The following PDGFRA variants were observed in gnomAD, a reference collection of about 807,000 sequenced individuals.
PDGFRA encodes the protein platelet derived growth factor receptor alpha.
Under a neutral mutation model 121.5 loss-of-function variants are expected in PDGFRA, and 25 were observed. The observed-to-expected ratio is 0.21, with a 90% CI of 0.15 to 0.29. PDGFRA has a LOEUF of 0.29. Ranked by LOEUF, PDGFRA falls within the 10% of genes least tolerant of loss-of-function variation. The probability of loss-of-function intolerance (pLI) is 1.00; values close to 1 mark genes in which losing one functional copy is unlikely to be tolerated. For missense variants in PDGFRA, 1,008 were observed against 1,345.1 expected (o/e 0.75, Z 3.92); for synonymous variants, 463 against 494.8 (o/e 0.94, Z 0.85).
chr4:54,286,178 C>T (rs576269529), intron 18 of PDGFRA, among the ~76,000 whole-genome samples: 2 of 152,232 alleles, frequency 1.3e-5, no homozygotes, highest in South Asian at 2.1e-4. Context: ...GACTGTTCTG[C>T]CCCTCTGTCT....
chr4:54,273,487 GCCATGACTCTCAGGAATTGGC>G (rs2110290972), intron 9 of PDGFRA, 29 bp from the exon 10 acceptor site: 2 of 1,483,798 alleles, frequency 1.3e-6, no homozygotes, highest in East Asian at 4.5e-5. Context: ...TCCACTCATT[GCCATGACTCTCAGGAATTGGC>G]CCTATACTTA....
chr4:54,265,757 G>A (rs1722996940), intron 5 of PDGFRA, among the ~76,000 whole-genome samples: 1 of 152,194 alleles, frequency 6.6e-6, no homozygotes, highest in African/African-American at 2.4e-5. Flanking sequence ...GTCACTAAGT[G>A]TGTAAGACAG....
At chr4:54,271,704 C>T (rs1027804690) in intron 8 of PDGFRA, among the ~76,000 whole-genome samples, 1 of 146,264 alleles carries the variant, frequency 6.8e-6, no homozygotes, top group African/African-American at 2.6e-5. Context: ...CTCTCTTTTC[C>T]TTTCCTTTCT....
intron 22 of PDGFRA, among the ~76,000 whole-genome samples, chr4:54,294,227 C>T (rs1168178186): frequency 2.0e-5 from 3 of 151,828 alleles, no homozygotes; most frequent in South Asian, 2.1e-4. Flanking sequence ...TGGGGGTCTG[C>T]GATGGAACTT....
intron 12 of PDGFRA, among the ~76,000 whole-genome samples, chr4:54,275,399 A>G (rs913906575): frequency 6.6e-6 from 1 of 152,254 alleles, no homozygotes; most frequent in Non-Finnish European, 1.5e-5. Flanking sequence ...TATTTGGAAT[A>G]TGGAATATAA....
chr4:54,256,275 G>A (rs563904511), intron 1 of PDGFRA, among the ~76,000 whole-genome samples: 113 of 151,874 alleles, frequency 7.4e-4, no homozygotes, highest in African/African-American at 2.3e-3. Context: ...TTGCTCTGCC[G>A]CCCAGGCTGG....
chr4:54,287,789 A>G (rs1211039568), intron 19 of PDGFRA, among the ~76,000 whole-genome samples: 1 of 152,140 alleles, frequency 6.6e-6, no homozygotes, highest in Non-Finnish European at 1.5e-5. Flanking sequence ...CCTTTGGGCT[A>G]TGCCAGAGTG....
chr4:54,281,952 A>G (rs1724102244), intron 16 of PDGFRA: 1 of 1,100,234 alleles, frequency 9.1e-7, no homozygotes, highest in Non-Finnish European at 1.1e-6. Flanking sequence ...GGCTTTAAAA[A>G]GAAAATAAAG....
chr4:54,235,892 G>A (rs1405125696), intron 1 of PDGFRA, among the ~76,000 whole-genome samples: 1 of 152,278 alleles, frequency 6.6e-6, no homozygotes, highest in Non-Finnish European at 1.5e-5. Context: ...CTTCCTAGAA[G>A]AAAAGACTGA....
chr4:54,257,101 C>G (rs1028759116), intron 1 of PDGFRA, among the ~76,000 whole-genome samples: 8 of 152,180 alleles, frequency 5.3e-5, no homozygotes, highest in African/African-American at 1.9e-4. Context: ...AAAACCAAGA[C>G]GGTGATGAAA....
chr4:54,281,678 G>C (rs144002896), intron 16 of PDGFRA: 1 of 1,361,634 alleles, frequency 7.3e-7, no homozygotes, highest in Non-Finnish European at 9.7e-7. Flanking sequence ...CTGGCCTTCC[G>C]TGACTATCTG....
chr4:54,281,415 C>T (rs1469696530), intron 16 of PDGFRA, among the ~76,000 whole-genome samples: 1 of 152,236 alleles, frequency 6.6e-6, no homozygotes, highest in Non-Finnish European at 1.5e-5. Flanking sequence ...TTGCAAAGCT[C>T]AGTACACAAT....
intron 1 of PDGFRA, among the ~76,000 whole-genome samples, chr4:54,249,827 G>T (rs186192482): frequency 6.6e-6 from 1 of 151,724 alleles, no homozygotes; most frequent in Non-Finnish European, 1.5e-5. Flanking sequence ...AAGTTAAAGG[G>T]ATATTATTAT....
intron 1 of PDGFRA, among the ~76,000 whole-genome samples, chr4:54,246,292 C>T (rs1162356720): frequency 3.3e-5 from 5 of 152,052 alleles, no homozygotes; most frequent in African/African-American, 7.2e-5. Context: ...CCACACCTAT[C>T]CCAAAATTGA....
intron 7 of PDGFRA, among the ~76,000 whole-genome samples, chr4:54,269,334 AATT>A (rs961742990): frequency 1.6e-4 from 25 of 152,112 alleles, no homozygotes; most frequent in Non-Finnish European, 3.4e-4. Context: ...CTATGTGTAC[AATT>A]ATCACGTTTT....
rs1201918901 is a variant in PDGFRA at position 54,263,598 on chromosome 4, T to G, written c.368-69T>G. On this transcript the variant is annotated intron_variant, in intron 3 of 22. Transcript: ENST00000257290. ...AATATCAATAATGCCAGTGGGATAG[T>G]TTTTCTGGATTTATGTGTAAAGGTG... The G allele has an allele frequency of 1.5e-5, 22 of 1,477,588 alleles. No individual in the cohort carries two copies. In the Admixed American group the frequency reaches 3.5e-4, roughly 24 times the overall value. The allele number at this position is 1,477,588 out of a possible 1,614,324, so 91.5% of individuals were successfully genotyped here.
At position 54,248,413 on chromosome 4, in the gene PDGFRA, A is replaced by T. The variant is rs560156009; in HGVS notation, c.-12-10344A>T. On this transcript the variant is annotated intron_variant, in intron 1 of 22. Transcript: ENST00000257290. ...ACAGAACCCTCAGAAATAACGCCGCATATCTACAACTATCTGATCTTTGAC... is the reference window on the plus strand; with the variant it reads ...ACAGAACCCTCAGAAATAACGCCGCTTATCTACAACTATCTGATCTTTGAC... 2.0e-5 allele frequency among the ~76,000 whole-genome samples: 3 copies of T among 152,360 alleles called. No homozygotes were observed. The South Asian group carries it at 6.2e-4, about 32-fold the overall frequency.
At chr4:54,280,003 T>G (rs992123814) in intron 15 of PDGFRA, among the ~76,000 whole-genome samples, 2 of 152,154 alleles carry the variant, frequency 1.3e-5, no homozygotes, top group Admixed American at 1.3e-4. Flanking sequence ...TGGGGTTGGT[T>G]CCACATTTTT....
intron 1 of PDGFRA, among the ~76,000 whole-genome samples, chr4:54,236,920 CAT>C (rs571092824): frequency 5.9e-5 from 9 of 152,296 alleles, no homozygotes; most frequent in African/African-American, 1.9e-4. Context: ...GCAACAAACA[CAT>C]GTTTATTCTC....
Sources: gnomAD v4.1 joint callset for allele counts (sites outside exome capture counted in the v4.1 genomes callset) on GRCh38, gnomAD v4.1.1 for gene constraint, MANE v1.5 for transcripts, NCBI Gene and HGNC (gene_info 2026-07-23, HGNC 2026-07-21) for gene names.